SULT1E1: variants seen among roughly 807,000 people sequenced by gnomAD.
SULT1E1 encodes the protein sulfotransferase family 1E member 1.
A neutral mutation model predicts 33.6 loss-of-function variants in SULT1E1; 36 were observed. That is an observed-to-expected ratio of 1.07 (90% CI 0.82 to 1.41). The LOEUF (loss-of-function observed/expected upper bound fraction) is 1.41, where lower values mean the gene tolerates loss of function less well. Among genes scored for constraint, SULT1E1 ranks in the 40% most tolerant of loss-of-function variants. The pLI is 0.00. For missense variants in SULT1E1, 371 were observed against 345.7 expected, an observed-to-expected ratio of 1.07 and a Z score of -0.58; for synonymous variants, 121 against 111.7, an observed-to-expected ratio of 1.08 and a Z score of -0.53.
At chr4:69,832,784 T>A in the SULT1E1 span, among the ~76,000 whole-genome samples, 1 of 151,994 alleles carries the variant, frequency 6.6e-6, no homozygotes, top group African/African-American at 2.4e-5. Context: ...CTACAATCAT[T>A]AACTATAGGG....
At chr4:69,847,818 A>T in intron 5 of SULT1E1, 26 bp from the exon 6 acceptor site, 1 of 1,496,168 alleles carries the variant, frequency 6.7e-7, no homozygotes, top group Non-Finnish European at 9.3e-7. Flanking sequence ...AAAACAGTGT[A>T]AAAGTGGTAT....
At chr4:69,822,941 A>C in the SULT1E1 span, among the ~76,000 whole-genome samples, 1 of 152,234 alleles carries the variant, frequency 6.6e-6, no homozygotes, top group Non-Finnish European at 1.5e-5. Context: ...TACTTTTTAC[A>C]ACAAAATGGC....
At chr4:69,853,584 G>A (rs1277770120) in intron 4 of SULT1E1, among the ~76,000 whole-genome samples, 3 of 152,080 alleles carry the variant, frequency 2.0e-5, no homozygotes, top group African/African-American at 7.2e-5. Context: ...CCCAGTGTCT[G>A]AGTTTGAATT....
the SULT1E1 span, among the ~76,000 whole-genome samples, chr4:69,829,614 A>G: frequency 1.3e-5 from 2 of 152,180 alleles, no homozygotes; most frequent in South Asian, 2.1e-4. Flanking sequence ...TTGCCACCCA[A>G]ATGTAATCTG....
rs1030424699 is a variant in SULT1E1, at chr4:69,841,698, A to G, written c.*296T>C. 6 of 199,104 alleles carry G rather than the reference A, an allele frequency of 3.0e-5. No individual in the cohort carries two copies. Among genetic ancestry groups the G allele is most frequent in the Admixed American group, 6.0e-5 (1 of 16,550 alleles). 12.3% of individuals were successfully genotyped at this position (199,104 alleles called of 1,614,324 possible). ...CAAAAAAACATTAAAAAAATTAGCC[A>G]AACATGGTTGCACATGTCTGTAGTC... is the stretch of plus-strand genomic sequence containing the variant. On this transcript the variant is annotated 3_prime_UTR_variant, in exon 8 of 8. Coordinates refer to ENST00000226444, the MANE Select transcript of SULT1E1 (RefSeq NM_005420.3).
chr4:69,823,290 T>C, the SULT1E1 span, among the ~76,000 whole-genome samples: 1 of 152,152 alleles, frequency 6.6e-6, no homozygotes, highest in Admixed American at 6.6e-5. Flanking sequence ...CAGATGGTCG[T>C]TATCTGGGCC....
Position 69,857,624 on chromosome 4 carries a change from A to C in SULT1E1, c.21T>G (p.Tyr7Ter). The change falls in exon 2 of 8, where the codon TAT becomes TAG. Residue 7 changes from tyrosine to a stop codon, truncating the protein, a stop_gained. Transcript: ENST00000226444. LOFTEE classifies it high-confidence loss of function. ...CATGGACTTCTTCAAACTTTTCATA[A>C]TAGTCAAGTTCAGAATTCATTGTGG... MNSELD[Y>*]YEKFEEVHGI... 1 of 1,604,624 alleles carries C rather than the reference A, an allele frequency of 6.2e-7. No individual in the cohort carries two copies. Among genetic ancestry groups the C allele is most frequent in the Non-Finnish European group, 8.5e-7 (1 of 1,177,280 alleles).
At chr4:69,826,190 AG>A in the SULT1E1 span, among the ~76,000 whole-genome samples, 1 of 152,162 alleles carries the variant, frequency 6.6e-6, no homozygotes, top group Non-Finnish European at 1.5e-5. Flanking sequence ...TCCTTCCCTC[AG>A]GGTATGGCCC....
the SULT1E1 span, among the ~76,000 whole-genome samples, chr4:69,833,280 T>A: frequency 1.3e-3 from 201 of 152,338 alleles, 1 homozygote; most frequent in African/African-American, 4.5e-3. Flanking sequence ...TAGTTTCATG[T>A]GGCTGCATGG....
At position 69,855,295 on chromosome 4, in the gene SULT1E1, C is replaced by T. The variant is rs369054679; in HGVS notation, c.271+6G>A. ...AAATAGTTTTTAAAATCAACTTGAACGTTACCATTCATGAGGTTTTCTTTT... is the reference window on the plus strand; with the variant it reads ...AAATAGTTTTTAAAATCAACTTGAATGTTACCATTCATGAGGTTTTCTTTT... On this transcript the variant is annotated splice_donor_region_variant and intron_variant, in intron 3 of 7. Transcript: ENST00000226444. 39 of 1,609,910 alleles carry T rather than the reference C, an allele frequency of 2.4e-5. No individual in the cohort carries two copies. Among genetic ancestry groups the T allele is most frequent in the African/African-American group, 6.7e-5 (5 of 74,778 alleles).
chr4:69,844,171 G>A lies in SULT1E1; in HGVS notation c.762C>T (p.Phe254=). Residue 254 remains phenylalanine, a synonymous_variant, in exon 7 of 8, where the codon TTC becomes TTT. Coordinates refer to ENST00000226444, the MANE Select transcript of SULT1E1 (RefSeq NM_005420.3). The part of the protein sequence containing the change: ...DEIMNQKLSP[F]MRKGITGDWK... ...CCACATTTTTCTCACCCTTTCTCAT[G>A]AAGGGCGACAATTTCTGGTTCATAA... is the stretch of plus-strand genomic sequence containing the variant. The A allele has an allele frequency of 1.2e-6, 2 of 1,613,894 alleles. No individual in the cohort carries two copies. Among genetic ancestry groups the A allele is most frequent in the Non-Finnish European group, 8.5e-7 (1 of 1,179,894 alleles).
intron 6 of SULT1E1, among the ~76,000 whole-genome samples, chr4:69,845,746 A>G (rs1407937050): frequency 6.6e-6 from 1 of 151,414 alleles, no homozygotes; most frequent in African/African-American, 2.4e-5. Context: ...GACATGGACA[A>G]TTTGAAATGG....
Position 69,855,211 on chromosome 4 carries a change from C to T in SULT1E1, c.271+90G>A, listed in dbSNP as rs1312402924. On this transcript the variant is annotated intron_variant, in intron 3 of 7. Coordinates refer to ENST00000226444, the MANE Select transcript of SULT1E1 (RefSeq NM_005420.3). Reference sequence around the variant, plus strand: ...ATGTAGAAGACCTGATACTAATTGCCATTCTTGCTTATAATCTCATTGCTT... The same window carrying T: ...ATGTAGAAGACCTGATACTAATTGCTATTCTTGCTTATAATCTCATTGCTT... 3.7e-6 allele frequency: 5 copies of T among 1,354,946 alleles called. No individual in the cohort carries two copies. In the East Asian group the frequency reaches 9.6e-5, roughly 26 times the overall value. 83.9% of individuals were successfully genotyped at this position (1,354,946 alleles called of 1,614,324 possible).
At chr4:69,842,868 G>A (rs1209545537) in intron 7 of SULT1E1, among the ~76,000 whole-genome samples, 14 of 146,516 alleles carry the variant, frequency 9.6e-5, no homozygotes, top group Middle Eastern at 3.5e-3. Context: ...ACAGAGTCTC[G>A]CTCTGTCACC....
chr4:69,822,743 C>T, the SULT1E1 span, among the ~76,000 whole-genome samples: 1 of 152,132 alleles, frequency 6.6e-6, no homozygotes, highest in Non-Finnish European at 1.5e-5. Context: ...TGTCTTCTTT[C>T]TAGACCCTAA....
chr4:69,850,617 C>T lies in SULT1E1; in HGVS notation c.370-1054G>A, dbSNP rs562683767. ...GAACTTTTCCAATCTTACTTATAACCCTTCCTAGTTCTTTTCATCTATTAG... is the reference window on the plus strand; with the variant it reads ...GAACTTTTCCAATCTTACTTATAACTCTTCCTAGTTCTTTTCATCTATTAG... On this transcript the variant is annotated intron_variant, in intron 4 of 7. Transcript: ENST00000226444. Among the ~76,000 whole-genome samples the T allele has an allele frequency of 3.9e-5, 6 of 152,096 alleles. 1 individual carries two copies. The South Asian group carries it at 1.2e-3, about 32-fold the overall frequency.
At chr4:69,840,497 T>A (rs557586071), downstream of SULT1E1, among the ~76,000 whole-genome samples, 12 of 152,288 alleles carry the variant, frequency 7.9e-5, no homozygotes, top group South Asian at 2.1e-4. Context: ...CAATAAAAAA[T>A]TTTAATTCTT....
At chr4:69,847,324 A>T (rs1720996667) in intron 6 of SULT1E1, among the ~76,000 whole-genome samples, 2 of 151,302 alleles carry the variant, frequency 1.3e-5, no homozygotes, top group Admixed American at 1.3e-4. Context: ...ATTTTATAGG[A>T]CCTATCTAAC....
the SULT1E1 span, among the ~76,000 whole-genome samples, chr4:69,828,550 C>T: frequency 6.6e-6 from 1 of 152,190 alleles, no homozygotes; most frequent in Non-Finnish European, 1.5e-5. Flanking sequence ...AAGGAACAAA[C>T]TCTGGACACA....
Sources: allele counts gnomAD v4.1 joint callset (sites outside exome capture counted in the v4.1 genomes callset), GRCh38; gene constraint gnomAD v4.1.1; transcripts MANE v1.5; gene names NCBI Gene and HGNC (gene_info 2026-07-23, HGNC 2026-07-21).